Variants in PRKN observed in about 807,000 individuals in gnomAD.
The protein encoded by PRKN is E3 ubiquitin-protein ligase parkin.
PRKN carries 56 observed loss-of-function variants against 59.5 expected under a neutral mutation model. The observed-to-expected ratio is 0.94, with a 90% CI of 0.76 to 1.18. The LOEUF (loss-of-function observed/expected upper bound fraction) is 1.18, where lower values mean the gene tolerates loss of function less well. Among genes scored for constraint, PRKN ranks in the 50% most tolerant of loss-of-function variants. The pLI is 0.00. For missense variants in PRKN, 657 were observed against 596.4 expected (o/e 1.10, Z -1.06); for synonymous variants, 250 against 222.1 (o/e 1.13, Z -1.12).
intron 7 of PRKN, among the ~76,000 whole-genome samples, chr6:161,646,208 G>A (rs1783936911): frequency 1.7e-5 from 1 of 58,714 alleles, no homozygotes; most frequent in East Asian, 4.1e-4. Flanking sequence ...AGGAGGCGGC[G>A]TATCAGTGAC....
chr6:161,621,921 ACTT>A (rs1487245559), intron 7 of PRKN, among the ~76,000 whole-genome samples: 1 of 152,090 alleles, frequency 6.6e-6, no homozygotes, highest in African/African-American at 2.4e-5. Flanking sequence ...AAAAAAAGTC[ACTT>A]CTTAATTTCC....
intron 2 of PRKN, among the ~76,000 whole-genome samples, chr6:162,421,963 A>C (rs916988177): frequency 6.6e-6 from 1 of 152,222 alleles, no homozygotes; most frequent in Non-Finnish European, 1.5e-5. Flanking sequence ...TTCAGCAAGG[A>C]AAGCTTATCT....
At chr6:161,425,646 G>A (rs772992096) in intron 9 of PRKN, among the ~76,000 whole-genome samples, 6 of 152,070 alleles carry the variant, frequency 3.9e-5, no homozygotes, top group South Asian at 4.2e-4. Context: ...CATGATAAAG[G>A]TGCCTCATCA....
At chr6:162,414,437 G>T (rs2128156278) in intron 2 of PRKN, among the ~76,000 whole-genome samples, 1 of 152,042 alleles carries the variant, frequency 6.6e-6, no homozygotes, top group Non-Finnish European at 1.5e-5. Context: ...GCCGGGCGTG[G>T]TGGCTCACAC....
At chr6:161,589,511 T>C (rs1781638517) in intron 7 of PRKN, among the ~76,000 whole-genome samples, 1 of 152,080 alleles carries the variant, frequency 6.6e-6, no homozygotes, top group Admixed American at 6.5e-5. Context: ...CTTGTTAAAT[T>C]TGATCTCCCT....
Position 161,366,109 on chromosome 6 carries a change from G to C in PRKN, c.1168-5904C>G, listed in dbSNP as rs377247878. Among the ~76,000 whole-genome samples the C allele has an allele frequency of 8.5e-5, 13 of 152,324 alleles. No homozygotes were observed. The East Asian group carries it at 9.6e-4, about 11-fold the overall frequency. ...CCTTTGGGAGGTGATTAGGTCATGA[G>C]GGTGGAGCTCTTATGAAGGGATTCG... On this transcript the variant is annotated intron_variant, in intron 10 of 11. Transcript: ENST00000366898.
chr6:162,582,392 G>C (rs1413197048), intron 1 of PRKN, among the ~76,000 whole-genome samples: 1 of 152,210 alleles, frequency 6.6e-6, no homozygotes, highest in Non-Finnish European at 1.5e-5. Flanking sequence ...GTATCATCCA[G>C]TTATTTCAGT....
rs563606548 is a variant in PRKN, at chr6:161,877,504, G to A, written c.735-91596C>T. 1.9e-4 allele frequency among the ~76,000 whole-genome samples: 28 copies of A among 149,268 alleles called. No individual in the cohort carries two copies. In the East Asian group the frequency reaches 5.3e-3, roughly 28 times the overall value. ...AGACAGAGCCTCGTTGTGTCACCCA[G>A]GCTGGAGTGCAGTGGCGCGATCTCA... On this transcript the variant is annotated intron_variant, in intron 6 of 11. Coordinates refer to ENST00000366898, the MANE Select transcript of PRKN (RefSeq NM_004562.3).
chr6:162,461,856 G>T (rs1452896327), intron 1 of PRKN, among the ~76,000 whole-genome samples: 2 of 151,716 alleles, frequency 1.3e-5, no homozygotes. Context: ...GAAGAAGAGT[G>T]GCTAAAAGCT....
Position 162,594,157 on chromosome 6 carries a change from C to CA in PRKN, c.7+133504dup, listed in dbSNP as rs111823678. Among the ~76,000 whole-genome samples, 209 of 147,180 alleles carry CA rather than the reference C, an allele frequency of 1.4e-3. 1 individual carries two copies. The highest frequency in any genetic ancestry group is 7.0e-3 in the Middle Eastern group (2 of 286). On this transcript the variant is annotated intron_variant, in intron 1 of 11. Transcript: ENST00000366898. ...AGGGCAAGACTCTCTCAAAAACAAACAAAAAAAAAACTACCCCTTTGGAAG... is the reference window on the plus strand; with the variant it reads ...AGGGCAAGACTCTCTCAAAAACAAACAAAAAAAAAAACTACCCCTTTGGAAG...
chr6:162,043,431 C>A (rs567034898), intron 5 of PRKN, among the ~76,000 whole-genome samples: 2 of 152,336 alleles, frequency 1.3e-5, no homozygotes, highest in South Asian at 4.1e-4. Context: ...AAGGAAGCTT[C>A]ATTGAATCCT....
At chr6:161,953,637 C>CA (rs1478147378) in intron 6 of PRKN, among the ~76,000 whole-genome samples, 1 of 152,088 alleles carries the variant, frequency 6.6e-6, no homozygotes, top group Non-Finnish European at 1.5e-5. Flanking sequence ...GGTACTGCTG[C>CA]AAAGAGGTGC....
At chr6:162,300,847 T>C (rs1359614893) in intron 2 of PRKN, among the ~76,000 whole-genome samples, 2 of 152,106 alleles carry the variant, frequency 1.3e-5, no homozygotes, top group Admixed American at 6.5e-5. Context: ...ATTAACAACC[T>C]TGTCTTCAAC....
intron 1 of PRKN, among the ~76,000 whole-genome samples, chr6:162,482,480 A>G (rs1424554283): frequency 6.6e-6 from 1 of 152,218 alleles, no homozygotes; most frequent in Non-Finnish European, 1.5e-5. Flanking sequence ...CTACATCTTC[A>G]TAAAACTGTG....
At chr6:162,606,435 AC>A (rs1781915854) in intron 1 of PRKN, among the ~76,000 whole-genome samples, 1 of 152,192 alleles carries the variant, frequency 6.6e-6, no homozygotes, top group Non-Finnish European at 1.5e-5. Context: ...AAAGTGAAAA[AC>A]AGGATGGCTG....
intron 1 of PRKN, among the ~76,000 whole-genome samples, chr6:162,473,420 T>A (rs1431632037): frequency 6.6e-6 from 1 of 152,144 alleles, no homozygotes; most frequent in African/African-American, 2.4e-5. Flanking sequence ...CAAATGCATT[T>A]CCCTATGTTT....
Position 161,360,308 on chromosome 6 carries a change from G to A in PRKN, c.1168-103C>T, listed in dbSNP as rs1784925826. ...GTACAGGAAATTCTTGAAGACAGGA[G>A]TGCCTTCGGGCAAGAAGCCTAAATA... On this transcript the variant is annotated intron_variant, in intron 10 of 11. Transcript: ENST00000366898. The surrounding 1 kb of genome is among the most constrained non-coding windows in gnomAD (Gnocchi z 5.1). 1.1e-6 allele frequency: 1 copy of A among 925,130 alleles called. No homozygotes were observed. Among genetic ancestry groups the A allele is most frequent in the Non-Finnish European group, 1.8e-6 (1 of 555,230 alleles). The allele number at this position is 925,130 out of a possible 1,614,324, so 57.3% of individuals were successfully genotyped here.
intron 7 of PRKN, among the ~76,000 whole-genome samples, chr6:161,660,201 G>A (rs560727055): frequency 6.6e-6 from 1 of 152,242 alleles, no homozygotes; most frequent in African/African-American, 2.4e-5. Flanking sequence ...GAATGAAGTG[G>A]TTTGACCTTG....
chr6:162,185,300 A>G (rs1207785220), intron 4 of PRKN, among the ~76,000 whole-genome samples: 1 of 152,140 alleles, frequency 6.6e-6, no homozygotes, highest in East Asian at 1.9e-4. Context: ...CCCCCACTAA[A>G]TGATAAACTT....
Sources: allele counts gnomAD v4.1 joint callset (sites outside exome capture counted in the v4.1 genomes callset), GRCh38; gene constraint gnomAD v4.1.1; non-coding constraint Gnocchi (gnomAD v3.1); transcripts MANE v1.5; gene names NCBI Gene and HGNC (gene_info 2026-07-23, HGNC 2026-07-21).